The following TRIM24 variants were observed in gnomAD, a reference collection of about 807,000 sequenced individuals.
TRIM24 encodes transcription intermediary factor 1-alpha.
Under a neutral mutation model 123.9 loss-of-function variants are expected in TRIM24, and 29 were observed. The ratio of observed to expected loss-of-function variants is 0.23; its 90% CI spans 0.17 to 0.32. TRIM24 has a LOEUF of 0.32. Ranked by LOEUF, TRIM24 falls within the 10% of genes least tolerant of loss-of-function variation. The pLI, the probability that TRIM24 is intolerant of heterozygous loss-of-function variation, is 1.00. For missense variants in TRIM24, 932 were observed against 1,295.3 expected (o/e 0.72, Z 4.31); for synonymous variants, 456 against 461.1 (o/e 0.99, Z 0.14).
At chr7:138,508,698 C>CGT (rs1554436644) in intron 2 of TRIM24, among the ~76,000 whole-genome samples, 65 of 30,436 alleles carry the variant, frequency 2.1e-3, no homozygotes, top group African/African-American at 4.7e-3. Context: ...TGTGTGCGCG[C>CGT]GCGTGTGTGC....
intron 1 of TRIM24, among the ~76,000 whole-genome samples, chr7:138,467,600 CA>C (rs1449509961): frequency 6.6e-6 from 1 of 152,162 alleles, no homozygotes; most frequent in African/African-American, 2.4e-5. Context: ...CTCGGCCTCC[CA>C]AAGTGCTGAT....
rs146884220 is a variant in TRIM24 at position 138,505,299 on chromosome 7, T to C, written c.483+891T>C. Among the ~76,000 whole-genome samples the C allele has an allele frequency of 3.9e-3, 599 of 152,350 alleles. 5 individuals carry two copies. The highest frequency in any genetic ancestry group is 0.013 in the African/African-American group (556 of 41,586). On this transcript the variant is annotated intron_variant, in intron 2 of 18. Coordinates refer to ENST00000343526, the MANE Select transcript of TRIM24 (RefSeq NM_015905.3). The stretch of plus-strand genomic sequence containing the variant: ...ACCATTATTCTATATTTGACATTAC[T>C]TCATTTCTTTGTACTTTTACTGTGT...
intron 2 of TRIM24, among the ~76,000 whole-genome samples, chr7:138,509,994 A>G (rs567292397): frequency 2.0e-5 from 3 of 152,302 alleles, no homozygotes; most frequent in South Asian, 2.1e-4. Context: ...TGGTGCTGGC[A>G]TCTCTGAAGT....
intron 2 of TRIM24, among the ~76,000 whole-genome samples, chr7:138,504,761 CT>C (rs559248771): frequency 2.7e-3 from 386 of 141,914 alleles, no homozygotes; most frequent in Middle Eastern, 3.7e-3. Flanking sequence ...CACCTGGCCT[CT>C]TTTTTTTTTT....
At chr7:138,521,409 T>C (rs905090242) in intron 4 of TRIM24, among the ~76,000 whole-genome samples, 3 of 152,182 alleles carry the variant, frequency 2.0e-5, no homozygotes, top group Non-Finnish European at 2.9e-5. Context: ...TTAGATGATA[T>C]GTAAAAATCT....
intron 9 of TRIM24, among the ~76,000 whole-genome samples, chr7:138,559,519 G>A (rs1311200582): frequency 6.6e-6 from 1 of 152,188 alleles, no homozygotes; most frequent in East Asian, 1.9e-4. Context: ...TTCCCTGATG[G>A]TGCTCACGCT....
intron 9 of TRIM24, among the ~76,000 whole-genome samples, chr7:138,564,512 G>A (rs556153792): frequency 1.4e-4 from 21 of 152,254 alleles, no homozygotes; most frequent in Admixed American, 9.8e-4. Context: ...CTTTGTCTCC[G>A]TATTTGCCAG....
intron 6 of TRIM24, among the ~76,000 whole-genome samples, chr7:138,532,548 C>A (rs1021531909): frequency 1.3e-5 from 2 of 152,116 alleles, no homozygotes; most frequent in African/African-American, 4.8e-5. Context: ...TTTCTGAGGG[C>A]TCTGTTCTGT....
chr7:138,574,247 T>G (rs747705463), intron 12 of TRIM24, among the ~76,000 whole-genome samples: 7 of 152,218 alleles, frequency 4.6e-5, no homozygotes, highest in Non-Finnish European at 8.8e-5. Flanking sequence ...TTCTGGTGAT[T>G]TGTTTGGTGT....
rs371947079 is a variant in TRIM24 at position 138,582,127 on chromosome 7, G to A, written c.2793+356G>A. 1.1e-4 allele frequency among the ~76,000 whole-genome samples: 17 copies of A among 152,214 alleles called. 1 individual carries two copies. Among genetic ancestry groups the A allele is most frequent in the Admixed American group, 6.5e-4 (10 of 15,274 alleles). On this transcript the variant is annotated intron_variant, in intron 17 of 18. Transcript: ENST00000343526. ...GACATCTCTCCCTGCTACATTTTCC[G>A]TACTTATTTTTCTTTATAGGTCCAG...
At chr7:138,573,790 A>G in intron 12 of TRIM24, 148 bp downstream of exon 12, 1 of 990,028 alleles carries the variant, frequency 1.0e-6, no homozygotes, top group Non-Finnish European at 1.4e-6. Context: ...GAGAAAACAA[A>G]GGTTAAATTT....
chr7:138,532,243 G>T (rs1446123147), intron 6 of TRIM24, among the ~76,000 whole-genome samples: 1 of 151,852 alleles, frequency 6.6e-6, no homozygotes, highest in Non-Finnish European at 1.5e-5. Context: ...GTCAATTTTG[G>T]CTTTTGTTGC....
At chr7:138,508,692 T>TGTGTGTGTGCGCGCGCGCGCGCGC (rs1422176564) in intron 2 of TRIM24, among the ~76,000 whole-genome samples, 1 of 137,214 alleles carries the variant, frequency 7.3e-6, no homozygotes, top group African/African-American at 2.8e-5. Context: ...TGTGTGTGTG[T>TGTGTGTGTGCGCGCGCGCGCGCGC]GCGCGCGCGT....
chr7:138,465,360 A>G (rs906073628), intron 1 of TRIM24, among the ~76,000 whole-genome samples: 1 of 152,192 alleles, frequency 6.6e-6, no homozygotes, highest in Admixed American at 6.5e-5. Context: ...ATGTTAAGAA[A>G]ACAAACTGAT....
At chr7:138,485,950 C>T (rs1795636447) in intron 1 of TRIM24, among the ~76,000 whole-genome samples, 1 of 152,190 alleles carries the variant, frequency 6.6e-6, no homozygotes, top group Non-Finnish European at 1.5e-5. Flanking sequence ...GTTTACACTC[C>T]CACCAACAGT....
At chr7:138,543,549 C>CTATT in intron 7 of TRIM24, among the ~76,000 whole-genome samples, 2 of 152,090 alleles carry the variant, frequency 1.3e-5, no homozygotes, top group African/African-American at 4.8e-5. Flanking sequence ...ATTTTATGTG[C>CTATT]TTAAAAAATG....
chr7:138,576,187 A>C (rs889088200), intron 12 of TRIM24, among the ~76,000 whole-genome samples, 186 bp from the exon 13 acceptor site: 1 of 152,214 alleles, frequency 6.6e-6, no homozygotes, highest in Non-Finnish European at 1.5e-5. Context: ...AATAGTGCAG[A>C]GGCTGAAAAA....
chr7:138,513,653 C>T (rs1584711490), intron 2 of TRIM24, among the ~76,000 whole-genome samples: 1 of 152,210 alleles, frequency 6.6e-6, no homozygotes, highest in East Asian at 1.9e-4. Context: ...AAATCACCCC[C>T]ATGATACACC....
rs368490171 is a variant in TRIM24 at position 138,477,299 on chromosome 7, GACAA to G, written c.364+16391_364+16394del. Among the ~76,000 whole-genome samples, 73 of 152,202 alleles carry G rather than the reference GACAA, an allele frequency of 4.8e-4. 1 individual carries two copies. Among genetic ancestry groups the G allele is most frequent in the African/African-American group, 1.7e-3 (72 of 41,538 alleles). On this transcript the variant is annotated intron_variant, in intron 1 of 18. Coordinates refer to ENST00000343526, the MANE Select transcript of TRIM24 (RefSeq NM_015905.3). ...CAGGCCACTGCACTCCAGCCTGGGA[GACAA>G]ACAGAGACTCCACCTCAAAAAACAA... is the stretch of plus-strand genomic sequence containing the variant.
Sources: allele counts gnomAD v4.1 joint callset (sites outside exome capture counted in the v4.1 genomes callset), GRCh38; gene constraint gnomAD v4.1.1; transcripts MANE v1.5; gene names NCBI Gene and HGNC (gene_info 2026-07-23, HGNC 2026-07-21).